The following PVT1 variants were observed in gnomAD, a reference collection of about 807,000 sequenced individuals.
PVT1 encodes Pvt1 oncogene.
chr8:127,876,160 C>T (rs1403059919), intron 2 of PVT1, among the ~76,000 whole-genome samples: 1 of 152,162 alleles, frequency 6.6e-6, no homozygotes, highest in Non-Finnish European at 1.5e-5. Flanking sequence ...GAGGGGAAGA[C>T]TGGGAGAAGC....
chr8:127,941,428 G>C (rs754968313), intron 3 of PVT1, among the ~76,000 whole-genome samples: 1 of 152,170 alleles, frequency 6.6e-6, no homozygotes, highest in South Asian at 2.1e-4. Flanking sequence ...CAGGTATTCT[G>C]ACACAGTACC....
chr8:127,883,423 G>A (rs1815491759), intron 2 of PVT1, among the ~76,000 whole-genome samples: 1 of 152,116 alleles, frequency 6.6e-6, no homozygotes, highest in Non-Finnish European at 1.5e-5. Flanking sequence ...GTCTTCGGCA[G>A]GGCCTCAGCT....
chr8:128,099,836 T>C (rs1164577662), intron 6 of PVT1: 1 of 152,182 alleles, frequency 6.6e-6, no homozygotes, highest in Non-Finnish European at 1.5e-5. Context: ...GCCTTATAAT[T>C]CAATAGTCTT....
chr8:127,820,443 A>G (rs557334009), intron 2 of PVT1, among the ~76,000 whole-genome samples: 78 of 152,344 alleles, frequency 5.1e-4, no homozygotes, highest in African/African-American at 1.8e-3. Flanking sequence ...TAATCAGAGC[A>G]GGATGCATGA....
intron 4 of PVT1, among the ~76,000 whole-genome samples, chr8:128,016,256 A>G (rs1274634335): frequency 6.6e-6 from 1 of 151,910 alleles, no homozygotes; most frequent in Non-Finnish European, 1.5e-5. Context: ...CAGCCTGGGC[A>G]ACAGACCAAG....
At chr8:127,907,115 C>T (rs1015430429) in intron 3 of PVT1, among the ~76,000 whole-genome samples, 6 of 152,134 alleles carry the variant, frequency 3.9e-5, no homozygotes, top group African/African-American at 9.7e-5. Flanking sequence ...CATGTGCCAC[C>T]GCACCCGGCT....
At position 128,092,486 on chromosome 8, in the gene PVT1, G is replaced by A. The variant is rs558639447; in HGVS notation, n.1115-4032G>A. ...CCGGCACCCTGGCCATTGGCCCCTGGACAGCTGTTCACTCCCTTCTCAGGC... is the reference window on the plus strand; with the variant it reads ...CCGGCACCCTGGCCATTGGCCCCTGAACAGCTGTTCACTCCCTTCTCAGGC... On this transcript the variant is annotated intron_variant and non_coding_transcript_variant, in intron 5 of 10. Transcript: ENST00000651587. Among the ~76,000 whole-genome samples, 7 of 152,298 alleles carry A rather than the reference G, an allele frequency of 4.6e-5. No individual in the cohort carries two copies. The South Asian group carries it at 1.2e-3, about 27-fold the overall frequency.
intron 5 of PVT1, among the ~76,000 whole-genome samples, chr8:128,080,891 G>A (rs1814167500): frequency 6.6e-6 from 1 of 152,072 alleles, no homozygotes; most frequent in Non-Finnish European, 1.5e-5. Flanking sequence ...TTTGTGAAGG[G>A]TTTAAGATCT....
chr8:127,896,778 C>A (rs865901752), intron 3 of PVT1, among the ~76,000 whole-genome samples: 3 of 130,668 alleles, frequency 2.3e-5, no homozygotes, highest in Non-Finnish European at 4.9e-5. Context: ...CTTTCCTCCC[C>A]CCCCCCGCCC....
chr8:127,974,257 G>C (rs534588185), intron 3 of PVT1, among the ~76,000 whole-genome samples: 46 of 152,238 alleles, frequency 3.0e-4, no homozygotes, highest in African/African-American at 1.1e-3. Context: ...TCTCTGATTA[G>C]AGATCATATT....
At chr8:127,997,619 T>C (rs1423394355) in intron 4 of PVT1, among the ~76,000 whole-genome samples, 1 of 152,202 alleles carries the variant, frequency 6.6e-6, no homozygotes, top group African/African-American at 2.4e-5. Context: ...ATAAACTCTA[T>C]TTTCAGAAGA....
chr8:127,874,123 G>A (rs1418266113), intron 2 of PVT1, among the ~76,000 whole-genome samples: 1 of 152,228 alleles, frequency 6.6e-6, no homozygotes, highest in African/African-American at 2.4e-5. Flanking sequence ...AATACAGTCT[G>A]CATGCTTTTA....
At chr8:127,840,930 C>T (rs894410891) in intron 2 of PVT1, among the ~76,000 whole-genome samples, 1 of 152,236 alleles carries the variant, frequency 6.6e-6, no homozygotes, top group African/African-American at 2.4e-5. Flanking sequence ...GCTGTTCAGA[C>T]AGCTTCCAGT....
chr8:127,887,300 G>A (rs757671431), intron 2 of PVT1, among the ~76,000 whole-genome samples: 4 of 152,182 alleles, frequency 2.6e-5, no homozygotes, highest in Non-Finnish European at 4.4e-5. Flanking sequence ...TTGACCAAAA[G>A]CAGGAACTCA....
At chr8:128,034,139 A>G (rs1386526018) in intron 4 of PVT1, among the ~76,000 whole-genome samples, 1 of 151,292 alleles carries the variant, frequency 6.6e-6, no homozygotes, top group Non-Finnish European at 1.5e-5. Context: ...AGATAGAAAC[A>G]AGATGTTCTC....
At chr8:127,997,070 T>TTTTTTTTA in intron 4 of PVT1, among the ~76,000 whole-genome samples, 1 of 147,674 alleles carries the variant, frequency 6.8e-6, no homozygotes. Flanking sequence ...TGTTTGTTTT[T>TTTTTTTTA]TGATACAGAG....
rs540628927 is a variant in PVT1, at chr8:128,074,539, G to A, written n.1114+4178G>A. Among the ~76,000 whole-genome samples the A allele has an allele frequency of 7.9e-5, 12 of 151,200 alleles. No homozygotes were observed. In the East Asian group the frequency reaches 1.2e-3, roughly 15 times the overall value. Reference sequence around the variant, plus strand: ...CTGTCTAAAAAAAAAAAAAAAAAGGGGGGGGCTCCTTCCCACTCATTTCTC... The same window carrying A: ...CTGTCTAAAAAAAAAAAAAAAAAGGAGGGGGCTCCTTCCCACTCATTTCTC... On this transcript the variant is annotated intron_variant and non_coding_transcript_variant, in intron 5 of 10. Transcript: ENST00000651587.
rs371092885 is a variant in PVT1 at position 127,814,696 on chromosome 8, G to T, written n.372+18625G>T. On this transcript the variant is annotated intron_variant and non_coding_transcript_variant, in intron 2 of 10. Coordinates refer to ENST00000651587, the Ensembl canonical transcript of PVT1. ...AATTTACATAATAAAATTTGCCATT[G>T]TAACCATTTCTAACTGTACAATTCA... 9.2e-5 allele frequency among the ~76,000 whole-genome samples: 14 copies of T among 152,270 alleles called. 1 individual carries two copies. The East Asian group carries it at 1.5e-3, about 17-fold the overall frequency.
chr8:128,086,399 A>G (rs1204533759), intron 5 of PVT1, among the ~76,000 whole-genome samples: 1 of 152,178 alleles, frequency 6.6e-6, no homozygotes. Flanking sequence ...AAGTGCTACT[A>G]TGCTAATCCT....
Sources: allele counts gnomAD v4.1 joint callset (sites outside exome capture counted in the v4.1 genomes callset), GRCh38; gene constraint gnomAD v4.1.1; transcripts MANE v1.5; gene names NCBI Gene and HGNC (gene_info 2026-07-23, HGNC 2026-07-21).